Variants in LAMA3 observed in about 807,000 individuals in gnomAD.
The protein encoded by LAMA3 is laminin subunit alpha 3, also known as laminin subunit alpha-3.
In LAMA3, 281 loss-of-function variants were observed where a neutral mutation model predicts 402.0. The observed-to-expected ratio is 0.70, with a 90% CI of 0.63 to 0.77. The LOEUF is 0.77. LAMA3 is among the 30% of genes least tolerant of loss of function. LAMA3 has a pLI of 0.00. For synonymous variants in LAMA3, 1,431 were observed against 1,558.4 expected (o/e 0.92, Z 1.93); for missense variants, 3,840 against 4,215.5 (o/e 0.91, Z 2.47).
chr18:23,953,416 AC>A (rs2082996692), intron 74 of LAMA3, among the ~76,000 whole-genome samples: 1 of 146,648 alleles, frequency 6.8e-6, no homozygotes, highest in Admixed American at 7.0e-5. Context: ...ATCTCAGCTC[AC>A]CACAACCTCT....
At chr18:23,730,231 A>G (rs1036692903) in intron 2 of LAMA3, among the ~76,000 whole-genome samples, 3 of 152,074 alleles carry the variant, frequency 2.0e-5, no homozygotes, top group African/African-American at 7.2e-5. Flanking sequence ...ACAGGTTCCA[A>G]CATTTCATCC....
At chr18:23,797,795 G>T (rs956875307) in intron 12 of LAMA3, among the ~76,000 whole-genome samples, 3 of 151,926 alleles carry the variant, frequency 2.0e-5, no homozygotes, top group African/African-American at 7.2e-5. Context: ...TGTAGTCCTG[G>T]ATTTATGTTT....
chr18:23,822,374 G>C lies in LAMA3; in HGVS notation c.2427G>C (p.Trp809Cys). 6.2e-7 allele frequency: 1 copy of C among 1,613,440 alleles called. No individual in the cohort carries two copies. The highest frequency in any genetic ancestry group is 8.5e-7 in the Non-Finnish European group (1 of 1,179,512). The change falls in exon 20 of 75, where the codon TGG becomes TGC. Residue 809 changes from tryptophan to cysteine, a missense_variant and splice_region_variant. Physicochemically the swap from Trp to Cys is radical, Grantham distance 215. This residue lies in a region of LAMA3 where 2,109 missense variants were observed against 2,376.0 expected (regional missense o/e 0.89). Coordinates refer to ENST00000313654, the MANE Select transcript of LAMA3 (RefSeq NM_198129.4). ...GCCATATAACTATTTATCCATCCTGGGGTAAGGCACGTAGGTAAAATGTCA... is the reference window on the plus strand; with the variant it reads ...GCCATATAACTATTTATCCATCCTGCGGTAAGGCACGTAGGTAAAATGTCA... ...VSGHITIYPS[W>C]GAAQSKEIIF...
intron 39 of LAMA3, among the ~76,000 whole-genome samples, chr18:23,881,077 G>A (rs989396684): frequency 5.9e-5 from 9 of 152,116 alleles, no homozygotes; most frequent in African/African-American, 2.2e-4. Flanking sequence ...GGATGTTTCT[G>A]TGCATTTAGA....
At chr18:23,705,103 A>G (rs2060861794) in intron 1 of LAMA3, among the ~76,000 whole-genome samples, 1 of 152,140 alleles carries the variant, frequency 6.6e-6, no homozygotes, top group Admixed American at 6.5e-5. Context: ...TGCAATTCCA[A>G]GTGTGAGTCC....
rs138959771 is a variant in LAMA3 at position 23,867,322 on chromosome 18, C to T, written c.4684-512C>T. 1.4e-3 allele frequency among the ~76,000 whole-genome samples: 215 copies of T among 152,130 alleles called. 1 individual carries two copies. The highest frequency in any genetic ancestry group is 4.9e-3 in the African/African-American group (205 of 41,486). On this transcript the variant is annotated intron_variant, in intron 36 of 74. Coordinates refer to ENST00000313654, the MANE Select transcript of LAMA3 (RefSeq NM_198129.4). ...CTGTAATCCCAGCACTGCGGGAGGC[C>T]AAGACAGGTGGATCACTTGAGGTCA...
At chr18:23,809,274 G>A (rs1314215609) in intron 12 of LAMA3, among the ~76,000 whole-genome samples, 1 of 152,196 alleles carries the variant, frequency 6.6e-6, no homozygotes, top group Admixed American at 6.5e-5. Flanking sequence ...GCAACTAGCC[G>A]TGATTGCAGG....
chr18:23,772,276 G>T (rs1217883750), intron 8 of LAMA3, among the ~76,000 whole-genome samples: 3 of 152,154 alleles, frequency 2.0e-5, no homozygotes, highest in Non-Finnish European at 4.4e-5. Context: ...TCCTGACCTT[G>T]TGACCCACCC....
intron 69 of LAMA3, among the ~76,000 whole-genome samples, chr18:23,944,944 C>A (rs1341383519): frequency 6.6e-6 from 1 of 152,128 alleles, no homozygotes; most frequent in Non-Finnish European, 1.5e-5. Flanking sequence ...ACCAGCCCGA[C>A]CAACATGGTG....
intron 11 of LAMA3, among the ~76,000 whole-genome samples, chr18:23,781,725 A>C (rs1451079430): frequency 2.0e-5 from 3 of 152,182 alleles, no homozygotes; most frequent in Admixed American, 6.5e-5. Flanking sequence ...GGTGATAAGA[A>C]TGCTGTCTTC....
intron 42 of LAMA3, among the ~76,000 whole-genome samples, chr18:23,890,891 T>A (rs2080637780): frequency 1.3e-5 from 2 of 152,240 alleles, no homozygotes. Flanking sequence ...TGGCTCCACA[T>A]TTTTTATTTG....
rs748650409 is a variant in LAMA3, at chr18:23,842,677, A to T, written c.3530A>T (p.Gln1177Leu). 6.2e-7 allele frequency: 1 copy of T among 1,614,216 alleles called. No homozygotes were observed. Among genetic ancestry groups the T allele is most frequent in the East Asian group, 2.2e-5 (1 of 44,860 alleles). The change falls in exon 29 of 75, where the codon CAG becomes CTG. Residue 1177 changes from glutamine (Q) to leucine (L), a missense_variant. Transcript: ENST00000313654. Reference protein sequence around the residue: ...GCRDQVIAEGQIEFDISEPEV... With the variant: ...GCRDQVIAEGLIEFDISEPEV... ...CGGGATCAAGTGATTGCCGAAGGCC[A>T]GATTGAGTTTGACATCTCAGAGCCT...
chr18:23,823,393 G>T (rs1023956473), intron 20 of LAMA3, among the ~76,000 whole-genome samples: 2 of 152,184 alleles, frequency 1.3e-5, no homozygotes, highest in Non-Finnish European at 2.9e-5. Context: ...GCAGCAGTTT[G>T]TTCTCTGTTA....
rs760105220 is a variant in LAMA3, at chr18:23,763,532, C to G, written c.1182+9C>G. 4.1e-6 allele frequency: 6 copies of G among 1,472,362 alleles called. No individual in the cohort carries two copies. The highest frequency in any genetic ancestry group is 5.7e-6 in the Non-Finnish European group (6 of 1,050,978). The allele number at this position is 1,472,362 out of a possible 1,614,324, so 91.2% of individuals were successfully genotyped here. A position where few individuals can be genotyped will look rare whatever the true frequency, so the allele number is the denominator to read the frequency against. Reference sequence around the variant, plus strand: ...TCTGCATTAACTGTCAGGTGAGGCACTATTTAAATCAAAGTGGATGTGTTG... The same window carrying G: ...TCTGCATTAACTGTCAGGTGAGGCAGTATTTAAATCAAAGTGGATGTGTTG... On this transcript the variant is annotated intron_variant, in intron 8 of 74. Coordinates refer to ENST00000313654, the MANE Select transcript of LAMA3 (RefSeq NM_198129.4).
intron 57 of LAMA3, 40 bp from the exon 58 acceptor site, chr18:23,914,658 T>C: frequency 6.3e-7 from 1 of 1,597,422 alleles, no homozygotes; most frequent in Non-Finnish European, 8.5e-7. Context: ...ATTCTTCAAA[T>C]TTTTTGTTTA....
intron 32 of LAMA3, among the ~76,000 whole-genome samples, chr18:23,854,628 G>A (rs556924857): frequency 4.1e-4 from 62 of 150,062 alleles, no homozygotes; most frequent in Middle Eastern, 3.5e-3. Context: ...GTGACAGAGC[G>A]AGACTCTGTC....
intron 52 of LAMA3, among the ~76,000 whole-genome samples, chr18:23,905,886 TC>T (rs1401601103): frequency 6.6e-6 from 1 of 152,136 alleles, no homozygotes; most frequent in Non-Finnish European, 1.5e-5. Flanking sequence ...CACTTCAGCC[TC>T]CCAAGTAGCT....
chr18:23,693,808 T>C (rs2060636628), intron 1 of LAMA3, among the ~76,000 whole-genome samples: 1 of 152,214 alleles, frequency 6.6e-6, no homozygotes, highest in South Asian at 2.1e-4. Context: ...AATTTAGGCA[T>C]TTATGAAACC....
chr18:23,907,912 C>CTCT lies in LAMA3; in HGVS notation c.6993_6995dup (p.Leu2332dup). On this transcript the variant is annotated inframe_insertion, in exon 54 of 75. Transcript: ENST00000313654. ...ACACAGAACGAAGACTTCAAAAAGG[C>CTCT]TCTGACTGATGCAGATAACTCGGGT... 1.2e-6 allele frequency: 2 copies of CTCT among 1,613,924 alleles called. No individual in the cohort carries two copies. Among genetic ancestry groups the CTCT allele is most frequent in the Non-Finnish European group, 1.7e-6 (2 of 1,180,004 alleles).
Sources: allele counts gnomAD v4.1 joint callset (sites outside exome capture counted in the v4.1 genomes callset), GRCh38; gene constraint gnomAD v4.1.1; regional missense constraint gnomAD v4.1.1; transcripts MANE v1.5; gene names NCBI Gene and HGNC (gene_info 2026-07-23, HGNC 2026-07-21).